Variants in PLCL2 observed in about 807,000 individuals in gnomAD.
The protein encoded by PLCL2 is inactive phospholipase C-like protein 2.
A neutral mutation model predicts 79.6 loss-of-function variants in PLCL2; 4 were observed. That is an observed-to-expected ratio of 0.05 (90% confidence interval 0.02 to 0.11). The LOEUF (loss-of-function observed/expected upper bound fraction) is 0.11, where lower values mean the gene tolerates loss of function less well. PLCL2 is among the 10% of genes least tolerant of loss of function. The pLI, the probability that PLCL2 is intolerant of heterozygous loss-of-function variation, is 1.00. For synonymous variants in PLCL2, 484 were observed against 457.7 expected (o/e 1.06, Z -0.73); for missense variants, 895 against 1,291.0 (o/e 0.69, Z 4.70).
At chr3:16,923,969 A>G (rs1697185434) in intron 1 of PLCL2, among the ~76,000 whole-genome samples, 1 of 152,038 alleles carries the variant, frequency 6.6e-6, no homozygotes, top group Non-Finnish European at 1.5e-5. Context: ...AGTCATTTTG[A>G]TCTATTTGTT....
intron 1 of PLCL2, among the ~76,000 whole-genome samples, chr3:16,956,665 C>G (rs539666786): frequency 1.4e-4 from 22 of 152,072 alleles, no homozygotes; most frequent in Admixed American, 1.3e-3. Context: ...GTCCTGGACT[C>G]TTTTTGGTTG....
chr3:17,080,837 A>T (rs1232312542), intron 5 of PLCL2, among the ~76,000 whole-genome samples: 1 of 152,236 alleles, frequency 6.6e-6, no homozygotes, highest in Non-Finnish European at 1.5e-5. Context: ...AGGAAGAGTG[A>T]ATTGTCTACA....
At chr3:17,064,863 A>T (rs571680785) in intron 4 of PLCL2, among the ~76,000 whole-genome samples, 2 of 145,916 alleles carry the variant, frequency 1.4e-5, no homozygotes, top group South Asian at 4.6e-4. Context: ...CAGGAGGCAG[A>T]GGTTGCAGTG....
chr3:16,895,781 C>T (rs73146913), intron 1 of PLCL2, among the ~76,000 whole-genome samples: 2,677 of 152,280 alleles, frequency 0.018, 84 homozygotes, highest in African/African-American at 0.061. Flanking sequence ...AGAACAGAAA[C>T]AGCAGATGAC....
At chr3:16,948,962 C>A (rs995504393) in intron 1 of PLCL2, among the ~76,000 whole-genome samples, 1 of 152,112 alleles carries the variant, frequency 6.6e-6, no homozygotes, top group Non-Finnish European at 1.5e-5. Flanking sequence ...TTGCCATAAG[C>A]CATAAAAGGC....
intron 5 of PLCL2, among the ~76,000 whole-genome samples, chr3:17,078,391 C>T (rs1473301056): frequency 6.6e-6 from 1 of 152,006 alleles, no homozygotes; most frequent in Non-Finnish European, 1.5e-5. Flanking sequence ...CTCAGCTTGG[C>T]CTGGAACATC....
At chr3:17,000,480 A>G (rs1251102323) in intron 1 of PLCL2, among the ~76,000 whole-genome samples, 2 of 152,134 alleles carry the variant, frequency 1.3e-5, no homozygotes, top group Non-Finnish European at 2.9e-5. Flanking sequence ...TTTGAAATAT[A>G]CAATAAAGTA....
intron 4 of PLCL2, among the ~76,000 whole-genome samples, chr3:17,065,744 C>T (rs1330256326): frequency 6.6e-6 from 1 of 152,180 alleles, no homozygotes; most frequent in African/African-American, 2.4e-5. Context: ...TGTGGTCCTG[C>T]GTTAGTTAAC....
intron 1 of PLCL2, among the ~76,000 whole-genome samples, chr3:17,001,772 G>C (rs1272618194): frequency 6.6e-6 from 1 of 151,952 alleles, no homozygotes; most frequent in Non-Finnish European, 1.5e-5. Flanking sequence ...AGTATATTTT[G>C]TAGTCAGGTA....
At chr3:16,972,445 C>T (rs78011342) in intron 1 of PLCL2, among the ~76,000 whole-genome samples, 1 of 152,052 alleles carries the variant, frequency 6.6e-6, no homozygotes, top group Non-Finnish European at 1.5e-5. Flanking sequence ...GAGTACGTGC[C>T]ATGTGCAAAT....
rs561817409 is a variant in PLCL2, at chr3:16,934,020, TTG to T, written c.327+48655_327+48656del. ...AGGCGGAGGTTGCAGTGAGCCCAGA[TTG>T]CACCACTGCACTCCAGCCTGAACGA... On this transcript the variant is annotated intron_variant, in intron 1 of 5. Transcript: ENST00000615277. Among the ~76,000 whole-genome samples, 608 of 152,182 alleles carry T rather than the reference TTG, an allele frequency of 4.0e-3. 2 individuals are homozygous for T. The highest frequency in any genetic ancestry group is 0.014 in the African/African-American group (582 of 41,518).
intron 3 of PLCL2, among the ~76,000 whole-genome samples, chr3:17,027,660 CTTCCT>C (rs1020655755): frequency 3.9e-5 from 6 of 152,068 alleles, no homozygotes; most frequent in Admixed American, 2.0e-4. Context: ...TCTTTTCTTC[CTTCCT>C]TTCCTTTAAA....
At chr3:17,054,063 G>A (rs957240769) in intron 4 of PLCL2, among the ~76,000 whole-genome samples, 1 of 151,988 alleles carries the variant, frequency 6.6e-6, no homozygotes, top group East Asian at 1.9e-4. Flanking sequence ...CCAGTTTCAG[G>A]TCATTTCTCT....
chr3:16,901,250 C>A (rs1696612390), intron 1 of PLCL2, among the ~76,000 whole-genome samples: 1 of 152,234 alleles, frequency 6.6e-6, no homozygotes, highest in African/African-American at 2.4e-5. Flanking sequence ...TCAAGAGTTA[C>A]ATGGAAGGGG....
At chr3:16,995,271 T>C (rs2064142241) in intron 1 of PLCL2, among the ~76,000 whole-genome samples, 1 of 152,262 alleles carries the variant, frequency 6.6e-6, no homozygotes. Flanking sequence ...AGCTGGTGAT[T>C]CTTAGTGTGG....
chr3:16,888,149 T>C (rs913263473), intron 1 of PLCL2, among the ~76,000 whole-genome samples: 6 of 152,280 alleles, frequency 3.9e-5, no homozygotes, highest in African/African-American at 1.2e-4. Flanking sequence ...AAATGTGCTA[T>C]AAGGTGGGCA....
chr3:16,975,691 T>C (rs1338377964), intron 1 of PLCL2, among the ~76,000 whole-genome samples: 2 of 152,072 alleles, frequency 1.3e-5, no homozygotes, highest in Non-Finnish European at 2.9e-5. Flanking sequence ...TGAGGAGGTG[T>C]GCCCTTAGCT....
Position 16,917,586 on chromosome 3 carries a change from T to C in PLCL2, c.327+32220T>C, listed in dbSNP as rs78589126. Among the ~76,000 whole-genome samples the C allele has an allele frequency of 6.0e-3, 920 of 152,254 alleles. 12 individuals are homozygous for C. Among genetic ancestry groups the C allele is most frequent in the African/African-American group, 0.021 (874 of 41,540 alleles). ...TACCTTTGCAGGGATAGCAGGACTG[T>C]TGGGCTCAGCTGAGAGTGTCAGCCA... On this transcript the variant is annotated intron_variant, in intron 1 of 5. Transcript: ENST00000615277.
chr3:16,964,308 A>G (rs1030844407), intron 1 of PLCL2, among the ~76,000 whole-genome samples: 1 of 151,828 alleles, frequency 6.6e-6, no homozygotes, highest in Non-Finnish European at 1.5e-5. Flanking sequence ...CCTGAGAATG[A>G]TGGTTTCCAG....
Sources: gnomAD v4.1 joint callset for allele counts (sites outside exome capture counted in the v4.1 genomes callset) on GRCh38, gnomAD v4.1.1 for gene constraint, MANE v1.5 for transcripts, NCBI Gene and HGNC (gene_info 2026-07-23, HGNC 2026-07-21) for gene names.